The following TOPBP1 variants were observed in gnomAD, a reference collection of about 807,000 sequenced individuals.
TOPBP1 encodes the protein DNA topoisomerase II binding protein 1, also known as DNA topoisomerase 2-binding protein 1.
TOPBP1 carries 28 observed loss-of-function variants against 167.7 expected under a neutral mutation model. That is an observed-to-expected ratio of 0.17 (90% CI 0.12 to 0.23). The LOEUF is 0.23. Ranked by LOEUF, TOPBP1 falls within the 10% of genes least tolerant of loss-of-function variation. TOPBP1 has a pLI of 1.00. For missense variants in TOPBP1, 1,554 were observed against 1,809.6 expected (o/e 0.86, Z 2.56); for synonymous variants, 598 against 611.4 (o/e 0.98, Z 0.32).
rs763367222 is a variant in TOPBP1 at position 133,661,089 on chromosome 3, A to C, written c.39T>G (p.Phe13Leu). 1 of 1,601,610 alleles carries C rather than the reference A, an allele frequency of 6.2e-7. No individual in the cohort carries two copies. Among genetic ancestry groups the C allele is most frequent in the Non-Finnish European group, 8.5e-7 (1 of 1,175,254 alleles). ...RNDKEPFFVK[F>L]LKSSDNSKCF... ...ATTTGGAATTGTCTGAAGACTTTAA[A>C]AACTTCACAAAAAACGGTTCTTTGT... Residue 13 changes from phenylalanine (F) to leucine (L), a missense_variant, in exon 2 of 28, where the codon TTT becomes TTG. By Grantham distance (22) the Phe-to-Leu change is conservative. This residue lies in a region of TOPBP1 where 1,197 missense variants were observed against 1,351.5 expected (regional missense o/e 0.89). Transcript: ENST00000260810.
chr3:133,644,503 A>T, intron 10 of TOPBP1, 140 bp from the exon 11 acceptor site: 1 of 811,826 alleles, frequency 1.2e-6, no homozygotes, highest in Non-Finnish European at 1.9e-6. Context: ...TAATAAAGGG[A>T]TATGGATTCA....
At chr3:133,630,726 T>C (rs767876600) in intron 14 of TOPBP1, among the ~76,000 whole-genome samples, 2 of 152,206 alleles carry the variant, frequency 1.3e-5, no homozygotes, top group African/African-American at 2.4e-5. Context: ...GCTGGGACTA[T>C]AGGTATGTGC....
Position 133,623,399 on chromosome 3 carries a change from T to C in TOPBP1, c.2987A>G (p.Lys996Arg). ...CACTGCGCTGATATCCAAGCTCATT[T>C]TGGGATTATAAGTATGTGGATAAAG... ...ESLYPHTYNPKMSLDISAVQD... is the reference protein window; with the variant it reads ...ESLYPHTYNPRMSLDISAVQD... The change falls in exon 18 of 28, where the codon AAA (lysine) becomes AGA (arginine). Residue 996 changes from lysine to arginine, a missense_variant. Lys to Arg is a conservative substitution (Grantham distance 26). Transcript: ENST00000260810. 1 of 1,613,194 alleles carries C rather than the reference T, an allele frequency of 6.2e-7. No individual in the cohort carries two copies. Among genetic ancestry groups the C allele is most frequent in the Non-Finnish European group, 8.5e-7 (1 of 1,179,554 alleles).
At chr3:133,621,533 A>G (rs1206297562) in intron 19 of TOPBP1, among the ~76,000 whole-genome samples, 1 of 152,242 alleles carries the variant, frequency 6.6e-6, no homozygotes, top group Non-Finnish European at 1.5e-5. Context: ...GAGATGATTT[A>G]AAGTATACAG....
At chr3:133,633,048 T>A (rs537077593) in intron 14 of TOPBP1, among the ~76,000 whole-genome samples, 62 of 152,156 alleles carry the variant, frequency 4.1e-4, no homozygotes, top group Non-Finnish European at 8.1e-4. Flanking sequence ...GCTGGGATTA[T>A]GGGCATGCAC....
At position 133,628,720 on chromosome 3, in the gene TOPBP1, G is replaced by C. The variant is rs1935357934; in HGVS notation, c.2534C>G (p.Ala845Gly). ...GCTGGGACGTCCTGGAGTTTCCAAG[G>C]CTGCAAGTGCATCCTATACATATGA... ...PSFDVKDALA[A>G]LETPGRPSQQ... Residue 845 changes from alanine (A) to glycine (G), a missense_variant, in exon 15 of 28, where the codon GCC becomes GGC. By Grantham distance (60) the Ala-to-Gly change is moderately conservative (BLOSUM62 0). Coordinates refer to ENST00000260810, the MANE Select transcript of TOPBP1 (RefSeq NM_007027.4). 2.6e-6 allele frequency: 4 copies of C among 1,552,396 alleles called. No homozygotes were observed. The highest frequency in any genetic ancestry group is 3.5e-6 in the Non-Finnish European group (4 of 1,147,262).
At chr3:133,620,576 C>G (rs918934757) in intron 19 of TOPBP1, among the ~76,000 whole-genome samples, 1 of 135,068 alleles carries the variant, frequency 7.4e-6, no homozygotes, top group Admixed American at 7.6e-5. Context: ...CCTTCAAATA[C>G]TTTTTTTTTT....
chr3:133,623,482 G>A (rs760168278), intron 17 of TOPBP1, 25 bp from the exon 18 acceptor site: 1 of 1,579,134 alleles, frequency 6.3e-7, no homozygotes. Flanking sequence ...TGTGCTTTAA[G>A]ACAGGACTGA....
At position 133,656,690 on chromosome 3, in the gene TOPBP1, C is replaced by A. The variant is rs1333508598; in HGVS notation, c.531G>T (p.Glu177Asp). The A allele has an allele frequency of 6.3e-7, 1 of 1,599,470 alleles. No individual in the cohort carries two copies. Among genetic ancestry groups the A allele is most frequent in the Admixed American group, 1.8e-5 (1 of 56,014 alleles). Residue 177 changes from glutamate (E) to aspartate (D), a missense_variant, in exon 5 of 28, where the codon GAG becomes GAT. Transcript: ENST00000260810. ...GTCTTTCTTACTTCTCTTGTGACTT[C>A]TCCCAAAGTGTTTTTATCCAAGAGG... The part of the protein sequence containing the change: ...LLPSWIKTLW[E>D]KSQEKKITRY...
In TOPBP1 at chr3:133,617,172, G is replaced by A; in HGVS notation, c.3747C>T (p.His1249=). ...FPLANPPVAP[H]PREKIITIEE... ...AGGATCAACAAACCTTTTCTCTAGG[G>A]TGCGGAGCCACAGGGGGGTTGGCGA... Residue 1249 remains histidine (H), a synonymous_variant, in exon 22 of 28, where the codon CAC becomes CAT. Transcript: ENST00000260810. 1 of 1,611,938 alleles carries A rather than the reference G, an allele frequency of 6.2e-7. No individual in the cohort carries two copies. The highest frequency in any genetic ancestry group is 1.3e-5 in the African/African-American group (1 of 74,904).
At chr3:133,653,875 G>A (rs980540907) in intron 6 of TOPBP1, among the ~76,000 whole-genome samples, 4 of 151,950 alleles carry the variant, frequency 2.6e-5, no homozygotes, top group Admixed American at 6.6e-5. Flanking sequence ...CAGGTGATTC[G>A]CCTGCCTTGG....
At chr3:133,632,611 C>T (rs79819273) in intron 14 of TOPBP1, among the ~76,000 whole-genome samples, 5,523 of 152,082 alleles carry the variant, frequency 0.036, 336 homozygotes, top group African/African-American at 0.13. Context: ...TCAGAAGCTC[C>T]CATACCACAT....
intron 10 of TOPBP1, among the ~76,000 whole-genome samples, chr3:133,648,545 C>T (rs1206978889): frequency 6.6e-6 from 1 of 152,200 alleles, no homozygotes. Context: ...CGCCCGTAAT[C>T]CCAGCACTTT....
intron 8 of TOPBP1, among the ~76,000 whole-genome samples, chr3:133,650,165 T>C (rs1936236061): frequency 6.6e-6 from 1 of 152,206 alleles, no homozygotes; most frequent in South Asian, 2.1e-4. Context: ...TCACAGTAGA[T>C]ACTTGATAAG....
At chr3:133,607,814 A>G (rs1934540439) in intron 27 of TOPBP1, among the ~76,000 whole-genome samples, 1 of 152,230 alleles carries the variant, frequency 6.6e-6, no homozygotes, top group South Asian at 2.1e-4. Context: ...CGTGGATACT[A>G]ATCAGTATGC....
chr3:133,651,382 G>T (rs892938882), intron 8 of TOPBP1, among the ~76,000 whole-genome samples: 2 of 151,588 alleles, frequency 1.3e-5, no homozygotes, highest in Non-Finnish European at 2.9e-5. Context: ...TAGAGACAGG[G>T]TTTCACCATG....
chr3:133,629,065 C>CA (rs1200231735), intron 14 of TOPBP1, among the ~76,000 whole-genome samples: 2 of 151,038 alleles, frequency 1.3e-5, no homozygotes, highest in South Asian at 2.1e-4. Flanking sequence ...CAAAACAAAC[C>CA]AAAAAAACCC....
rs1432895891 is a variant in TOPBP1 at position 133,656,815 on chromosome 3, A to G, written c.406T>C (p.Tyr136His). Residue 136 changes from tyrosine (Y) to histidine (H), a missense_variant, in exon 5 of 28, where the codon TAC becomes CAC. Coordinates refer to ENST00000260810, the MANE Select transcript of TOPBP1 (RefSeq NM_007027.4). ...KYVQMMGGRV[Y>H]RDLNVSVTHL... ...GTTACTGATACATTAAGGTCTCTGT[A>G]TACTCGTCCGCCCATCATTTGTACA... is the stretch of plus-strand genomic sequence containing the variant. 6.2e-7 allele frequency: 1 copy of G among 1,606,634 alleles called. No homozygotes were observed. The highest frequency in any genetic ancestry group is 1.1e-5 in the South Asian group (1 of 89,348).
At chr3:133,618,947 A>G (rs902391216) in intron 20 of TOPBP1, among the ~76,000 whole-genome samples, 8 of 152,110 alleles carry the variant, frequency 5.3e-5, no homozygotes, top group South Asian at 2.1e-4. Flanking sequence ...TCCAGAGTCT[A>G]CGGTGGAACA....
Sources: gnomAD v4.1 joint callset for allele counts (sites outside exome capture counted in the v4.1 genomes callset) on GRCh38, gnomAD v4.1.1 for gene constraint, gnomAD v4.1.1 regional missense constraint, MANE v1.5 for transcripts, NCBI Gene and HGNC (gene_info 2026-07-23, HGNC 2026-07-21) for gene names.